The following PDZD8 variants were observed in gnomAD, a reference collection of about 807,000 sequenced individuals.
PDZD8 encodes the protein PDZ domain-containing protein 8.
A neutral mutation model predicts 85.8 loss-of-function variants in PDZD8; 14 were observed. The observed-to-expected ratio is 0.16, with a 90% CI of 0.11 to 0.26. PDZD8 has a LOEUF of 0.26. PDZD8 is among the 10% of genes least tolerant of loss of function. The probability of loss-of-function intolerance (pLI) is 1.00; values close to 1 mark genes in which losing one functional copy is unlikely to be tolerated. For synonymous variants in PDZD8, 592 were observed against 568.6 expected, an observed-to-expected ratio of 1.04 and a Z score of -0.59; for missense variants, 1,197 against 1,424.3, an observed-to-expected ratio of 0.84 and a Z score of 2.57.
In PDZD8 at chr10:117,364,196, G is replaced by A. The variant is rs1307530447; in HGVS notation, c.872+10160C>T. The stretch of plus-strand genomic sequence containing the variant: ...ATAATTTATGGGTGTGTGTGTGTGT[G>A]TGTGTGTGTGTGAGAGTGTGTGTGT... On this transcript the variant is annotated intron_variant, in intron 1 of 4. Coordinates refer to ENST00000334464, the MANE Select transcript of PDZD8 (RefSeq NM_173791.5). Among the ~76,000 whole-genome samples the A allele has an allele frequency of 8.6e-5, 13 of 151,738 alleles. No homozygotes were observed. The East Asian group carries it at 2.3e-3, about 27-fold the overall frequency.
Position 117,283,625 on chromosome 10 carries a change from T to C in PDZD8, c.3108A>G (p.Leu1036=), listed in dbSNP as rs779307948. The change falls in exon 5 of 5, where the codon CTA becomes CTG. Residue 1036 remains leucine (L), a synonymous_variant. Transcript: ENST00000334464. ...TCTGTAGCTTATCCAACATGAACTC[T>C]AGTTTCTGGATCCTTTCCTCTGTAG... ...GLPTEERIQK[L]EFMLDKLQNE... 6.2e-7 allele frequency: 1 copy of C among 1,614,228 alleles called. No homozygotes were observed.
At position 117,284,623 on chromosome 10, in the gene PDZD8, T is replaced by G; in HGVS notation, c.2110A>C (p.Ile704Leu). The change falls in exon 5 of 5, where the codon ATA becomes CTA. Residue 704 changes from isoleucine to leucine, a missense_variant. By Grantham distance (5) the Ile-to-Leu change is conservative. This residue lies in a region of PDZD8 where 418 missense variants were observed against 571.1 expected (regional missense o/e 0.73). Coordinates refer to ENST00000334464, the MANE Select transcript of PDZD8 (RefSeq NM_173791.5). ...TTTAAGTACCTGTGACAGGCTTCTA[T>G]GTCAAACAAACAGGATGCTCTGGTT... Reference protein sequence around the residue: ...TRTRASCLFDIEACHRYLNIA... With the variant: ...TRTRASCLFDLEACHRYLNIA... The G allele has an allele frequency of 6.2e-7, 1 of 1,614,224 alleles. No homozygotes were observed. Among genetic ancestry groups the G allele is most frequent in the East Asian group, 2.2e-5 (1 of 44,888 alleles).
At chr10:117,344,910 A>G (rs1844679191) in intron 1 of PDZD8, among the ~76,000 whole-genome samples, 1 of 152,136 alleles carries the variant, frequency 6.6e-6, no homozygotes, top group African/African-American at 2.4e-5. Context: ...GAACACTGAG[A>G]ATACTGGAAC....
In PDZD8 at chr10:117,317,450, T is replaced by G. The variant is rs911526428; in HGVS notation, c.1098+1422A>C. 2.6e-5 allele frequency among the ~76,000 whole-genome samples: 4 copies of G among 152,184 alleles called. No individual in the cohort carries two copies. The South Asian group carries it at 8.3e-4, about 32-fold the overall frequency. ...TGACATTTTCAACATCAGATATAAT[T>G]AATAACCTAGAATTCTTTCCTCAAC... On this transcript the variant is annotated intron_variant, in intron 3 of 4. Transcript: ENST00000334464.
intron 2 of PDZD8, among the ~76,000 whole-genome samples, chr10:117,327,279 G>C (rs1305179557): frequency 6.6e-6 from 1 of 152,224 alleles, no homozygotes; most frequent in African/African-American, 2.4e-5. Flanking sequence ...AGGTGAGACT[G>C]TGACCAAATG....
intron 1 of PDZD8, among the ~76,000 whole-genome samples, chr10:117,358,464 C>T (rs1844939301): frequency 6.6e-6 from 1 of 151,902 alleles, no homozygotes; most frequent in Admixed American, 6.6e-5. Context: ...CCCTCATCTC[C>T]CCTCTCTTCT....
intron 1 of PDZD8, among the ~76,000 whole-genome samples, chr10:117,355,425 A>T (rs1433881152): frequency 6.6e-6 from 1 of 152,208 alleles, no homozygotes; most frequent in East Asian, 1.9e-4. Flanking sequence ...CTTTCCTGCA[A>T]GATCCCCTCC....
intron 2 of PDZD8, among the ~76,000 whole-genome samples, chr10:117,319,263 G>A (rs1397699325): frequency 6.6e-6 from 1 of 151,950 alleles, no homozygotes; most frequent in Non-Finnish European, 1.5e-5. Context: ...TGTACATGTA[G>A]CAGCAAGAGC....
Position 117,281,646 on chromosome 10 carries a change from A to G in PDZD8, c.*1622T>C, listed in dbSNP as rs942630690. 1.3e-5 allele frequency: 2 copies of G among 152,154 alleles called. No individual in the cohort carries two copies. Among genetic ancestry groups the G allele is most frequent in the African/African-American group, 4.8e-5 (2 of 41,420 alleles). The allele number at this position is 152,154 out of a possible 1,614,324, so 9.4% of individuals were successfully genotyped here. On this transcript the variant is annotated 3_prime_UTR_variant, in exon 5 of 5. Coordinates refer to ENST00000334464, the MANE Select transcript of PDZD8 (RefSeq NM_173791.5). ...GCAGTTATGCTATTGTTTCCCTCACAACAATACTGTGAGGGAGGTAAAGTA... is the reference window on the plus strand; with the variant it reads ...GCAGTTATGCTATTGTTTCCCTCACGACAATACTGTGAGGGAGGTAAAGTA...
Position 117,277,386 on chromosome 10 carries a change from A to G in PDZD8, c.*5882T>C. 1 of 547,842 alleles carries G rather than the reference A, an allele frequency of 1.8e-6. No individual in the cohort carries two copies. Among genetic ancestry groups the G allele is most frequent in the South Asian group, 3.1e-5 (1 of 32,594 alleles). The allele number at this position is 547,842 out of a possible 1,614,324, so 33.9% of individuals were successfully genotyped here. ...ATCCCTGGTGAAAGAGTAAAACCAA[A>G]GGTTATTATTTCCTTTCCATGGTTA... On this transcript the variant is annotated 3_prime_UTR_variant, in exon 5 of 5. Coordinates refer to ENST00000334464, the MANE Select transcript of PDZD8 (RefSeq NM_173791.5).
chr10:117,284,397 C>T lies in PDZD8; in HGVS notation c.2336G>A (p.Gly779Glu), dbSNP rs1844620905. Residue 779 changes from glycine to glutamate, a missense_variant, in exon 5 of 5, where the codon GGA (glycine) becomes GAA (glutamate). Around this residue, in one of 4 missense-constraint regions of PDZD8, gnomAD observed 418 missense variants for 571.1 expected, o/e 0.73. Transcript: ENST00000334464. ...TALRNLSMQK[G>E]FNDKFCYGDI... ...ACCATAGCAAAATTTGTCATTGAAT[C>T]CCTTTTGCATACTCAGATTGCGTAG... 2 of 1,614,020 alleles carry T rather than the reference C, an allele frequency of 1.2e-6. No individual in the cohort carries two copies. The highest frequency in any genetic ancestry group is 1.7e-6 in the Non-Finnish European group (2 of 1,180,032).
chr10:117,374,228 C>T lies in PDZD8; in HGVS notation c.872+128G>A. Reference sequence around the variant, plus strand: ...GACTCGCCTTGATCTGGGGCCCTGTCCAGGGTGGGAAGGCCCCAGAAGCAG... The same window carrying T: ...GACTCGCCTTGATCTGGGGCCCTGTTCAGGGTGGGAAGGCCCCAGAAGCAG... On this transcript the variant is annotated intron_variant, in intron 1 of 4. Coordinates refer to ENST00000334464, the MANE Select transcript of PDZD8 (RefSeq NM_173791.5). The surrounding 1 kb of genome is among the most constrained non-coding windows in gnomAD (Gnocchi z 7.8). The T allele has an allele frequency of 1.4e-6, 2 of 1,409,348 alleles. No homozygotes were observed. Among genetic ancestry groups the T allele is most frequent in the Admixed American group, 2.5e-5 (1 of 40,588 alleles). 87.3% of individuals were successfully genotyped at this position (1,409,348 alleles called of 1,614,324 possible). A position where few individuals can be genotyped will look rare whatever the true frequency, so the allele number is the denominator to read the frequency against.
At position 117,279,618 on chromosome 10, in the gene PDZD8, T is replaced by C. The variant is rs1844550077; in HGVS notation, c.*3650A>G. 1 of 152,236 alleles carries C rather than the reference T, an allele frequency of 6.6e-6. No individual in the cohort carries two copies. The highest frequency in any genetic ancestry group is 2.4e-5 in the African/African-American group (1 of 41,470). The allele number at this position is 152,236 out of a possible 1,614,324, so 9.4% of individuals were successfully genotyped here. A position where few individuals can be genotyped will look rare whatever the true frequency, so the allele number is the denominator to read the frequency against. The stretch of plus-strand genomic sequence containing the variant: ...CCACAATTTATTTTAAATTGAGATA[T>C]GTAACTAGCCACATTCAATGTGGAA... On this transcript the variant is annotated 3_prime_UTR_variant, in exon 5 of 5. Coordinates refer to ENST00000334464, the MANE Select transcript of PDZD8 (RefSeq NM_173791.5).
At position 117,336,154 on chromosome 10, in the gene PDZD8, A is replaced by T. The variant is rs561144133; in HGVS notation, c.995+4826T>A. 2.0e-5 allele frequency among the ~76,000 whole-genome samples: 3 copies of T among 152,356 alleles called. No individual in the cohort carries two copies. In the East Asian group the frequency reaches 5.8e-4, roughly 29 times the overall value. ...TTTATACAAAAATATTGTTTCCTGC[A>T]TGAAACAAAGTTTGTGTACAGTGAA... On this transcript the variant is annotated intron_variant, in intron 2 of 4. Coordinates refer to ENST00000334464, the MANE Select transcript of PDZD8 (RefSeq NM_173791.5).
intron 1 of PDZD8, among the ~76,000 whole-genome samples, chr10:117,369,095 A>C (rs1845142639): frequency 6.6e-6 from 1 of 151,764 alleles, no homozygotes. Context: ...TGGCCTCCCA[A>C]AGTGCTGAGA....
chr10:117,353,798 C>G (rs1243003640), intron 1 of PDZD8, among the ~76,000 whole-genome samples: 1 of 151,960 alleles, frequency 6.6e-6, no homozygotes, highest in Non-Finnish European at 1.5e-5. Flanking sequence ...GAACTATTTT[C>G]TTGACTTTTA....
chr10:117,371,322 T>A (rs1203846476), intron 1 of PDZD8, among the ~76,000 whole-genome samples: 1 of 152,070 alleles, frequency 6.6e-6, no homozygotes, highest in Non-Finnish European at 1.5e-5. Context: ...GTAGCTGGGA[T>A]TACAGGCGCC....
intron 3 of PDZD8, among the ~76,000 whole-genome samples, chr10:117,310,100 A>G (rs1013010938): frequency 6.6e-6 from 1 of 152,110 alleles, no homozygotes; most frequent in African/African-American, 2.4e-5. Flanking sequence ...CATATTCTTT[A>G]GCCAACTTGA....
At chr10:117,292,500 A>C (rs1050258938) in intron 3 of PDZD8, among the ~76,000 whole-genome samples, 1 of 152,180 alleles carries the variant, frequency 6.6e-6, no homozygotes, top group Non-Finnish European at 1.5e-5. Context: ...AGCTAATGAT[A>C]GCAAATGGGT....
Sources: allele counts gnomAD v4.1 joint callset (sites outside exome capture counted in the v4.1 genomes callset), GRCh38; gene constraint gnomAD v4.1.1; regional missense constraint gnomAD v4.1.1; non-coding constraint Gnocchi (gnomAD v3.1); transcripts MANE v1.5; gene names NCBI Gene and HGNC (gene_info 2026-07-23, HGNC 2026-07-21).